Variants in PLA2G4C observed in about 807,000 individuals in gnomAD.
PLA2G4C encodes phospholipase A2 group IVC.
A neutral mutation model predicts 73.8 loss-of-function variants in PLA2G4C; 64 were observed. That is an observed-to-expected ratio of 0.87 (90% CI 0.71 to 1.07). The LOEUF (loss-of-function observed/expected upper bound fraction) is 1.07. PLA2G4C is among the 50% of genes least tolerant of loss of function. PLA2G4C has a pLI of 0.00. For missense variants in PLA2G4C, 622 were observed against 665.4 expected (o/e 0.93, Z 0.72); for synonymous variants, 254 against 252.1 (o/e 1.01, Z -0.07).
At chr19:48,071,348 T>C (rs1244900606) in intron 12 of PLA2G4C, among the ~76,000 whole-genome samples, 3 of 152,192 alleles carry the variant, frequency 2.0e-5, no homozygotes, top group Non-Finnish European at 4.4e-5. Context: ...TGGAGTGCAA[T>C]GGCGTGATCT....
chr19:48,101,126 A>ATTTT lies in PLA2G4C; in HGVS notation c.258-1270_258-1267dup, dbSNP rs544287174. Among the ~76,000 whole-genome samples, 474 of 74,106 alleles carry ATTTT rather than the reference A, an allele frequency of 6.4e-3. 12 individuals carry two copies. Among genetic ancestry groups the ATTTT allele is most frequent in the African/African-American group, 0.028 (435 of 15,570 alleles). The allele number at this position is 74,106 out of a possible 152,430, so 48.6% of individuals were successfully genotyped here. A position where few individuals can be genotyped will look rare whatever the true frequency, so the allele number is the denominator to read the frequency against. On this transcript the variant is annotated intron_variant, in intron 4 of 16. Transcript: ENST00000599921. ...AGTCTATATATATATATATATATAT[A>ATTTT]TTTTTTTTTTTTTTTTTGAGACAGG...
intron 10 of PLA2G4C, among the ~76,000 whole-genome samples, chr19:48,078,313 A>G (rs2030307522): frequency 6.6e-6 from 1 of 152,174 alleles, no homozygotes; most frequent in South Asian, 2.1e-4. Context: ...CAATAAGACA[A>G]GAATGCCCAC....
chr19:48,110,464 C>T (rs1299438784), intron 1 of PLA2G4C, 23 bp downstream of exon 1: 36 of 1,397,010 alleles, frequency 2.6e-5, no homozygotes, highest in Non-Finnish European at 3.2e-5. Context: ...GATGAAACAG[C>T]CCTCCCTGCC....
intron 14 of PLA2G4C, among the ~76,000 whole-genome samples, chr19:48,057,306 T>C (rs1019983645): frequency 2.0e-5 from 3 of 151,870 alleles, no homozygotes; most frequent in Non-Finnish European, 2.9e-5. Context: ...GAGGAAGAGA[T>C]GGCCCAGTAG....
intron 13 of PLA2G4C, among the ~76,000 whole-genome samples, chr19:48,062,825 A>G (rs186661636): frequency 6.4e-4 from 98 of 152,176 alleles, no homozygotes; most frequent in Middle Eastern, 3.4e-3. Context: ...TCAGTGTAGA[A>G]AGTTTATTTT....
intron 14 of PLA2G4C, among the ~76,000 whole-genome samples, chr19:48,060,016 G>A (rs190979385): frequency 4.6e-5 from 7 of 151,918 alleles, no homozygotes; most frequent in Admixed American, 3.3e-4. Context: ...TGATCCACCC[G>A]CCTCGGCCTC....
chr19:48,077,629 C>T (rs1357966438), intron 11 of PLA2G4C, 142 bp downstream of exon 11: 12 of 570,772 alleles, frequency 2.1e-5, no homozygotes, highest in Admixed American at 7.6e-5. Flanking sequence ...CCTCAGGCAC[C>T]TGGGAGAGTC....
At chr19:48,074,655 C>T (rs1391212556) in intron 12 of PLA2G4C, 112 bp downstream of exon 12, 2 of 750,130 alleles carry the variant, frequency 2.7e-6, no homozygotes, top group Non-Finnish European at 4.9e-6. Flanking sequence ...ACCAGTGGGA[C>T]ATCTGGTCAT....
Position 48,048,311 on chromosome 19 carries a change from A to AG in PLA2G4C, c.*31dup, listed in dbSNP as rs1330272053. On this transcript the variant is annotated 3_prime_UTR_variant, in exon 17 of 17. Transcript: ENST00000599921. Reference sequence around the variant, plus strand: ...GACATCAGGGCCCTAGTAGACCAACAGGCCCACAGTGCCCTGGAAGCTGAG... The same window carrying AG: ...GACATCAGGGCCCTAGTAGACCAACAGGGCCCACAGTGCCCTGGAAGCTGAG... 8 of 1,572,078 alleles carry AG rather than the reference A, an allele frequency of 5.1e-6. No individual in the cohort carries two copies. The highest frequency in any genetic ancestry group is 1.4e-5 in the African/African-American group (1 of 73,192).
At chr19:48,059,794 A>T (rs1968099224) in intron 14 of PLA2G4C, among the ~76,000 whole-genome samples, 4 of 135,686 alleles carry the variant, frequency 2.9e-5, no homozygotes, top group Non-Finnish European at 4.6e-5. Context: ...TTGAGATGGA[A>T]TTTTGCTCTT....
At position 48,048,275 on chromosome 19, in the gene PLA2G4C, A is replaced by T; in HGVS notation, c.*68T>A. On this transcript the variant is annotated 3_prime_UTR_variant, in exon 17 of 17. Transcript: ENST00000599921. ...GTGGCTGAAGGGAGTGAAGAACAGG[A>T]AGGCCAGGTGGACATCAGGGCCCTA... 8.4e-7 allele frequency: 1 copy of T among 1,194,336 alleles called. No homozygotes were observed. The highest frequency in any genetic ancestry group is 1.2e-6 in the Non-Finnish European group (1 of 822,704). 74.0% of individuals were successfully genotyped at this position (1,194,336 alleles called of 1,614,324 possible).
chr19:48,059,460 G>C (rs1440013629), intron 14 of PLA2G4C, among the ~76,000 whole-genome samples: 1 of 152,100 alleles, frequency 6.6e-6, no homozygotes, highest in East Asian at 1.9e-4. Context: ...GTCTCTGAGG[G>C]TGCTGTCAGA....
At position 48,077,808 on chromosome 19, in the gene PLA2G4C, C is replaced by A. The variant is rs766845975; in HGVS notation, c.861G>T (p.Leu287=). ...GATGTTCCCCTTGTGAACTTTCTTG[C>A]AGCCTCAGTAATCGGGCTGCAAAAG... ...GHLIFARLLR[L]QESSQGEHPP... Residue 287 remains leucine (L), a synonymous_variant, in exon 11 of 17, where the codon CTG becomes CTT. Transcript: ENST00000599921. 10 of 1,606,610 alleles carry A rather than the reference C, an allele frequency of 6.2e-6. No individual in the cohort carries two copies. The highest frequency in any genetic ancestry group is 1.7e-5 in the Admixed American group (1 of 58,786).
chr19:48,053,202 TC>T, intron 15 of PLA2G4C, 55 bp from the exon 16 acceptor site: 1 of 1,410,628 alleles, frequency 7.1e-7, no homozygotes, highest in East Asian at 2.3e-5. Flanking sequence ...GACAATTAAT[TC>T]TGCAGATTTT....
Position 48,110,520 on chromosome 19 carries a change from G to A in PLA2G4C, c.-66C>T, listed in dbSNP as rs745934494. ...GGGTCTGGGGCGTGTGCGCATGCGCGGTGGAGCTTGTGCTCCGGAATCCGG... is the reference window on the plus strand; with the variant it reads ...GGGTCTGGGGCGTGTGCGCATGCGCAGTGGAGCTTGTGCTCCGGAATCCGG... On this transcript the variant is annotated 5_prime_UTR_variant, in exon 1 of 17. Transcript: ENST00000599921. 8 of 1,534,276 alleles carry A rather than the reference G, an allele frequency of 5.2e-6. No individual in the cohort carries two copies. The African/African-American group carries it at 9.7e-5, about 19-fold the overall frequency.
intron 6 of PLA2G4C, among the ~76,000 whole-genome samples, chr19:48,097,428 A>AT (rs2031653452): frequency 6.7e-6 from 1 of 149,830 alleles, no homozygotes; most frequent in Non-Finnish European, 1.5e-5. Flanking sequence ...AATTTTTTGT[A>AT]TTTTTAGTAG....
At chr19:48,058,589 G>A (rs935739098) in intron 14 of PLA2G4C, among the ~76,000 whole-genome samples, 1 of 152,128 alleles carries the variant, frequency 6.6e-6, no homozygotes, top group South Asian at 2.1e-4. Flanking sequence ...AGGCTGAGGT[G>A]GGCGGATCAC....
At position 48,110,583 on chromosome 19, in the gene PLA2G4C, C is replaced by A. The variant is rs1031788437; in HGVS notation, c.-129G>T. On this transcript the variant is annotated 5_prime_UTR_variant, in exon 1 of 17. Coordinates refer to ENST00000599921, the MANE Select transcript of PLA2G4C (RefSeq NM_003706.3). ...GGCTCCCTGCGCTTAGCGGTGTAGT[C>A]GCTGGACAGCTCCTTCAGCCGGAAT... is the stretch of plus-strand genomic sequence containing the variant. 10 of 343,408 alleles carry A rather than the reference C, an allele frequency of 2.9e-5. No homozygotes were observed. In the African/African-American group the frequency reaches 6.5e-4, roughly 22 times the overall value. 21.3% of individuals were successfully genotyped at this position (343,408 alleles called of 1,614,324 possible). A position where few individuals can be genotyped will look rare whatever the true frequency, so the allele number is the denominator to read the frequency against.
chr19:48,074,452 C>G (rs2029997405), intron 12 of PLA2G4C: 1 of 362,568 alleles, frequency 2.8e-6, no homozygotes, highest in Non-Finnish European at 5.2e-6. Flanking sequence ...CATACATGTG[C>G]CTGTATCTTT....
Sources: gnomAD v4.1 joint callset for allele counts (sites outside exome capture counted in the v4.1 genomes callset) on GRCh38, gnomAD v4.1.1 for gene constraint, MANE v1.5 for transcripts, NCBI Gene and HGNC (gene_info 2026-07-23, HGNC 2026-07-21) for gene names.